The following CTBP2 variants were observed in gnomAD, a reference collection of about 807,000 sequenced individuals.
The protein encoded by CTBP2 is C-terminal binding protein 2.
Under a neutral mutation model 80.3 loss-of-function variants are expected in CTBP2, and 30 were observed. That is an observed-to-expected ratio of 0.37 (90% CI 0.28 to 0.51). The LOEUF (loss-of-function observed/expected upper bound fraction) is 0.51, where lower values mean the gene tolerates loss of function less well. CTBP2 is among the 20% of genes least tolerant of loss of function. The pLI, the probability that CTBP2 is intolerant of heterozygous loss-of-function variation, is 0.93. For synonymous variants in CTBP2, 594 were observed against 587.4 expected, an observed-to-expected ratio of 1.01 and a Z score of -0.16; for missense variants, 1,212 against 1,375.3, an observed-to-expected ratio of 0.88 and a Z score of 1.88.
chr10:125,060,712 G>T (rs917673950), intron 2 of CTBP2, among the ~76,000 whole-genome samples: 2 of 152,222 alleles, frequency 1.3e-5, no homozygotes, highest in African/African-American at 4.8e-5. Context: ...AGGAGAGAGG[G>T]GAAGCCAAGA....
At chr10:125,104,760 CTT>C (rs986000758) in intron 2 of CTBP2, among the ~76,000 whole-genome samples, 1 of 152,230 alleles carries the variant, frequency 6.6e-6, no homozygotes, top group Non-Finnish European at 1.5e-5. Flanking sequence ...ACCAAGAAGA[CTT>C]TATTTTTAAC....
chr10:125,013,959 C>T (rs1312260258), intron 1 of CTBP2, among the ~76,000 whole-genome samples: 4 of 152,120 alleles, frequency 2.6e-5, no homozygotes, highest in Admixed American at 6.6e-5. Flanking sequence ...TGTGATTGTT[C>T]GATCTATCAA....
rs115804221 is a variant in CTBP2, at chr10:125,027,376, C to T, written c.384G>A (p.Arg128=). 6.5e-4 allele frequency: 1,047 copies of T among 1,613,602 alleles called. 7 individuals carry two copies. In the African/African-American group the frequency reaches 0.012, roughly 19 times the overall value. ...GGACCGGCCGGCTGACTCCTGGGTC[C>T]CGATAGAGGGGAGGCTCTTTGGGTA... is the stretch of plus-strand genomic sequence containing the variant. Residue 128 remains arginine (R), a synonymous_variant, in exon 1 of 9, where the codon CGG becomes CGA. Transcript: ENST00000309035.
At chr10:125,100,672 GA>G (rs1477119939) in intron 2 of CTBP2, 4 of 152,326 alleles carry the variant, frequency 2.6e-5, no homozygotes, top group Non-Finnish European at 1.5e-5. Flanking sequence ...AGATAAGGAT[GA>G]GAGGAAAAAC....
chr10:125,067,078 C>A (rs953087882), intron 2 of CTBP2, among the ~76,000 whole-genome samples: 2 of 152,098 alleles, frequency 1.3e-5, no homozygotes, highest in Admixed American at 1.3e-4. Context: ...CATTATTGGC[C>A]GGCAAAGGCT....
rs1430173735 is a variant in CTBP2 at position 124,988,785 on chromosome 10, G to A, written c.*733C>T. 1 of 152,482 alleles carries A rather than the reference G, an allele frequency of 6.6e-6. No individual in the cohort carries two copies. The highest frequency in any genetic ancestry group is 1.5e-5 in the Non-Finnish European group (1 of 68,034). The allele number at this position is 152,482 out of a possible 1,614,324, so 9.4% of individuals were successfully genotyped here. ...AAGGAAATGCAACATTATTCTTCTT[G>A]AACCCTTTTAGCTCAAGACTTTCCA... On this transcript the variant is annotated 3_prime_UTR_variant, in exon 9 of 9. Coordinates refer to ENST00000309035, the MANE Select transcript of CTBP2 (RefSeq NM_022802.3).
chr10:125,073,323 G>A (rs1325016208), intron 2 of CTBP2, among the ~76,000 whole-genome samples: 1 of 152,138 alleles, frequency 6.6e-6, no homozygotes, highest in Non-Finnish European at 1.5e-5. Context: ...GCAGCCTCCC[G>A]AGTTCAATTG....
chr10:125,141,506 C>T (rs1056254454), intron 1 of CTBP2, among the ~76,000 whole-genome samples: 3 of 152,188 alleles, frequency 2.0e-5, no homozygotes, highest in African/African-American at 2.4e-5. Context: ...GCCATCCTGA[C>T]TGGTCTCTAC....
intron 1 of CTBP2, among the ~76,000 whole-genome samples, chr10:125,147,347 G>A (rs1858966684): frequency 6.6e-6 from 1 of 152,204 alleles, no homozygotes; most frequent in Admixed American, 6.5e-5. Flanking sequence ...ATCAGGCAAG[G>A]CAGTTTTTTT....
chr10:125,085,766 C>G (rs17643549), intron 2 of CTBP2, among the ~76,000 whole-genome samples: 1 of 152,224 alleles, frequency 6.6e-6, no homozygotes, highest in East Asian at 1.9e-4. Context: ...TGAGTTCACT[C>G]AAATGATCCC....
intron 2 of CTBP2, among the ~76,000 whole-genome samples, chr10:125,078,491 C>T (rs145578841): frequency 1.1e-4 from 16 of 151,930 alleles, no homozygotes; most frequent in Middle Eastern, 6.9e-3. Flanking sequence ...TGTGGCAACC[C>T]CAAGATTGTT....
intron 1 of CTBP2, chr10:125,133,576 G>A (rs987485738): frequency 1.3e-5 from 2 of 152,242 alleles, no homozygotes; most frequent in East Asian, 3.9e-4. Context: ...GAGGGTGTCT[G>A]AGCAGTCCTT....
At chr10:125,114,089 T>C (rs534210363) in intron 1 of CTBP2, among the ~76,000 whole-genome samples, 2 of 152,324 alleles carry the variant, frequency 1.3e-5, no homozygotes, top group African/African-American at 4.8e-5. Context: ...CCAGGGGATA[T>C]TTTCTTGGCA....
At chr10:125,118,966 T>C (rs1012590027) in intron 1 of CTBP2, among the ~76,000 whole-genome samples, 8 of 152,146 alleles carry the variant, frequency 5.3e-5, no homozygotes, top group Non-Finnish European at 5.9e-5. Flanking sequence ...GGAGCGGACA[T>C]AGGAGATGGC....
chr10:125,061,886 T>C (rs550540955), intron 2 of CTBP2, among the ~76,000 whole-genome samples: 5 of 152,244 alleles, frequency 3.3e-5, no homozygotes, highest in South Asian at 4.1e-4. Flanking sequence ...AATTCACTCA[T>C]TCCTCCCAAC....
At chr10:124,991,527 G>T (rs1026790773) in intron 8 of CTBP2, among the ~76,000 whole-genome samples, 1 of 152,188 alleles carries the variant, frequency 6.6e-6, no homozygotes, top group African/African-American at 2.4e-5. Flanking sequence ...TGCAAGCACC[G>T]GCATAGCTTC....
rs562886555 is a variant in CTBP2, at chr10:125,066,461, G to A, written c.-101-27306C>T. ...GGCAAGCAGGGTGCGCAGATGTAAC[G>A]GGGGAAGCAGGCACGGCCAAGCACC... On this transcript the variant is annotated intron_variant, in intron 2 of 10. Coordinates refer to the CTBP2 transcript ENST00000337195. This position sits in a 1 kb window ranked among gnomAD's most constrained non-coding sequence, Gnocchi z 4.1. Among the ~76,000 whole-genome samples, 4 of 152,296 alleles carry A rather than the reference G, an allele frequency of 2.6e-5. No homozygotes were observed. Among genetic ancestry groups the A allele is most frequent in the African/African-American group, 9.6e-5 (4 of 41,570 alleles).
intron 2 of CTBP2, among the ~76,000 whole-genome samples, chr10:125,061,964 C>T (rs911554056): frequency 6.6e-6 from 1 of 152,192 alleles, no homozygotes; most frequent in Non-Finnish European, 1.5e-5. Context: ...TAGAAAACAA[C>T]GGGCCAAAGA....
intron 2 of CTBP2, among the ~76,000 whole-genome samples, chr10:125,094,923 T>C (rs559039943): frequency 6.6e-6 from 1 of 151,442 alleles, no homozygotes; most frequent in Non-Finnish European, 1.5e-5. Flanking sequence ...GACAAGTAAG[T>C]GCATCAAAAA....
Sources: gnomAD v4.1 joint callset for allele counts (sites outside exome capture counted in the v4.1 genomes callset) on GRCh38, gnomAD v4.1.1 for gene constraint, Gnocchi (gnomAD v3.1) non-coding constraint, MANE v1.5 for transcripts, NCBI Gene and HGNC (gene_info 2026-07-23, HGNC 2026-07-21) for gene names.